DOK6: variants seen among roughly 807,000 people sequenced by gnomAD.
DOK6 encodes the protein docking protein 6.
Under a neutral mutation model 44.0 loss-of-function variants are expected in DOK6, and 22 were observed. The observed-to-expected ratio is 0.50, with a 90% confidence interval of 0.36 to 0.71. The LOEUF (loss-of-function observed/expected upper bound fraction) is 0.71, where lower values mean the gene tolerates loss of function less well. Among genes scored for constraint, DOK6 ranks in the 30% least tolerant of loss-of-function variants. The pLI is 0.00. For missense variants in DOK6, 340 were observed against 416.4 expected (o/e 0.82, Z 1.60); for synonymous variants, 166 against 145.5 (o/e 1.14, Z -1.01).
intron 4 of DOK6, among the ~76,000 whole-genome samples, chr18:69,697,970 C>T (rs746108448): frequency 2.0e-5 from 3 of 151,586 alleles, no homozygotes; most frequent in African/African-American, 7.3e-5. Flanking sequence ...TACTTCACAT[C>T]AACAAAGGTA....
chr18:69,641,609 T>C (rs1481330841), intron 3 of DOK6, among the ~76,000 whole-genome samples: 1 of 152,216 alleles, frequency 6.6e-6, no homozygotes. Context: ...TTATTTGACT[T>C]ATAAGCTAGA....
chr18:69,576,765 T>C (rs1983247635), intron 2 of DOK6, among the ~76,000 whole-genome samples: 1 of 152,164 alleles, frequency 6.6e-6, no homozygotes. Flanking sequence ...ATAATTGTCA[T>C]AACAGATATT....
chr18:69,723,595 A>G (rs1274339291), intron 5 of DOK6, among the ~76,000 whole-genome samples: 1 of 152,254 alleles, frequency 6.6e-6, no homozygotes, highest in African/African-American at 2.4e-5. Context: ...GCAGAGGCCA[A>G]TGATATTCTA....
intron 1 of DOK6, among the ~76,000 whole-genome samples, chr18:69,430,689 G>A (rs1431745586): frequency 3.3e-5 from 5 of 152,130 alleles, no homozygotes; most frequent in South Asian, 2.1e-4. Context: ...ATTACTGGCC[G>A]GGCACGGTGG....
intron 1 of DOK6, among the ~76,000 whole-genome samples, chr18:69,485,886 T>A (rs1053033495): frequency 8.0e-5 from 12 of 150,798 alleles, no homozygotes; most frequent in African/African-American, 2.9e-4. Flanking sequence ...TATATATGTG[T>A]GTGTGTGTGT....
chr18:69,472,767 A>G (rs1485413858), intron 1 of DOK6, among the ~76,000 whole-genome samples: 1 of 152,126 alleles, frequency 6.6e-6, no homozygotes, highest in Non-Finnish European at 1.5e-5. Context: ...GGATCTCATT[A>G]TTTCTTTAAA....
At chr18:69,595,414 AT>A (rs1453406695) in intron 2 of DOK6, among the ~76,000 whole-genome samples, 5 of 152,108 alleles carry the variant, frequency 3.3e-5, no homozygotes, top group Non-Finnish European at 5.9e-5. Context: ...GAACAAGATG[AT>A]TTTTTTCCCT....
chr18:69,751,982 G>A (rs1224075905), intron 6 of DOK6, among the ~76,000 whole-genome samples: 1 of 152,068 alleles, frequency 6.6e-6, no homozygotes, highest in Non-Finnish European at 1.5e-5. Context: ...ACTTCATTCA[G>A]AAGCAAATGC....
chr18:69,643,403 C>A (rs561462617), intron 3 of DOK6, among the ~76,000 whole-genome samples: 3 of 152,292 alleles, frequency 2.0e-5, no homozygotes, highest in African/African-American at 7.2e-5. Flanking sequence ...CTTTTGTTGC[C>A]TTTTAGAACC....
rs150660324 is a variant in DOK6 at position 69,628,993 on chromosome 18, G to C, written c.289+29495G>C. Among the ~76,000 whole-genome samples the C allele has an allele frequency of 9.8e-5, 15 of 152,366 alleles. No individual in the cohort carries two copies. The East Asian group carries it at 2.5e-3, about 25-fold the overall frequency. ...GAGCCCAGCTTATCCAAGTTACAGA[G>C]AGCACCTAGCTCCTGGCTGGAGAGA... On this transcript the variant is annotated intron_variant, in intron 3 of 7. Coordinates refer to ENST00000382713, the MANE Select transcript of DOK6 (RefSeq NM_152721.6).
rs59389862 is a variant in DOK6 at position 69,848,019 on chromosome 18, T to TCACACACA, written c.*6673_*6680dup. ...CCTCCACCCCAACCTTAGTGCATGC[T>TCACACACA]CACACACACACACACACACACACAC... On this transcript the variant is annotated 3_prime_UTR_variant, in exon 8 of 8. Coordinates refer to ENST00000382713, the MANE Select transcript of DOK6 (RefSeq NM_152721.6). 244 of 143,716 alleles carry TCACACACA rather than the reference T, an allele frequency of 1.7e-3. No individual in the cohort carries two copies. Among genetic ancestry groups the TCACACACA allele is most frequent in the African/African-American group, 5.7e-3 (220 of 38,290 alleles). 8.9% of individuals were successfully genotyped at this position (143,716 alleles called of 1,614,324 possible).
chr18:69,649,415 G>A (rs1359764781), intron 3 of DOK6, among the ~76,000 whole-genome samples: 1 of 152,132 alleles, frequency 6.6e-6, no homozygotes, highest in Non-Finnish European at 1.5e-5. Context: ...TGCTAATGAT[G>A]AAAATAGGGG....
At chr18:69,840,752 G>C (rs776329117) in intron 7 of DOK6, among the ~76,000 whole-genome samples, 4 of 152,202 alleles carry the variant, frequency 2.6e-5, no homozygotes, top group Non-Finnish European at 4.4e-5. Flanking sequence ...CTTTCTTTCT[G>C]ATAATTCATG....
chr18:69,667,780 C>T (rs1985697456), intron 3 of DOK6, among the ~76,000 whole-genome samples: 1 of 152,100 alleles, frequency 6.6e-6, no homozygotes, highest in Non-Finnish European at 1.5e-5. Flanking sequence ...GGTCTTAGCC[C>T]TTAAATGTCT....
chr18:69,412,106 A>G (rs944751389), intron 1 of DOK6, among the ~76,000 whole-genome samples: 4 of 152,142 alleles, frequency 2.6e-5, no homozygotes, highest in African/African-American at 9.7e-5. Flanking sequence ...TCGAATATAT[A>G]TACTTTTTGT....
In DOK6 at chr18:69,848,561, T is replaced by C. The variant is rs377653098; in HGVS notation, c.*7178T>C. ...TCTAGCAGAACAGAAAATATTATAA[T>C]AATGAGGCAATAATAAAATTAGGAA... On this transcript the variant is annotated 3_prime_UTR_variant, in exon 8 of 8. Coordinates refer to ENST00000382713, the MANE Select transcript of DOK6 (RefSeq NM_152721.6). 1 of 152,190 alleles carries C rather than the reference T, an allele frequency of 6.6e-6. No individual in the cohort carries two copies. The highest frequency in any genetic ancestry group is 1.5e-5 in the Non-Finnish European group (1 of 68,022). The allele number at this position is 152,190 out of a possible 1,614,324, so 9.4% of individuals were successfully genotyped here.
At chr18:69,764,649 T>G (rs1277603332) in intron 7 of DOK6, among the ~76,000 whole-genome samples, 1 of 152,216 alleles carries the variant, frequency 6.6e-6, no homozygotes, top group Admixed American at 6.5e-5. Context: ...ATTAAACCTC[T>G]TTTCTTTATA....
At chr18:69,439,168 C>G (rs543300932) in intron 1 of DOK6, among the ~76,000 whole-genome samples, 11 of 147,948 alleles carry the variant, frequency 7.4e-5, no homozygotes, top group Admixed American at 4.8e-4. Context: ...AAAGGAATCT[C>G]TTTTTCTAAG....
At chr18:69,469,666 C>T (rs749287970) in intron 1 of DOK6, 3 of 246,922 alleles carry the variant, frequency 1.2e-5, no homozygotes, top group Non-Finnish European at 2.5e-5. Context: ...AGAGCCTGGG[C>T]ACTGCCGCCC....
Sources: allele counts gnomAD v4.1 joint callset (sites outside exome capture counted in the v4.1 genomes callset), GRCh38; gene constraint gnomAD v4.1.1; transcripts MANE v1.5; gene names NCBI Gene and HGNC (gene_info 2026-07-23, HGNC 2026-07-21).